RRAGB: variants seen among roughly 807,000 people sequenced by gnomAD.
RRAGB encodes the protein Ras related GTP binding B.
Under a neutral mutation model 29.3 loss-of-function variants are expected in RRAGB, and 6 were observed. The ratio of observed to expected loss-of-function variants is 0.21; its 90% CI spans 0.11 to 0.40. The LOEUF (loss-of-function observed/expected upper bound fraction) is 0.40, where lower values mean the gene tolerates loss of function less well. RRAGB is among the 10% of genes least tolerant of loss of function. The pLI, the probability that RRAGB is intolerant of heterozygous loss-of-function variation, is 1.00. For missense variants in RRAGB, 184 were observed against 272.9 expected, an observed-to-expected ratio of 0.67 and a Z score of 2.29; for synonymous variants, 101 against 92.5, an observed-to-expected ratio of 1.09 and a Z score of -0.53.
intron 5 of RRAGB, among the ~76,000 whole-genome samples, chrX:55,745,455 T>A (rs1482663308): frequency 8.9e-6 from 1 of 112,512 alleles, no homozygotes; most frequent in Admixed American, 9.3e-5. Context: ...GATATGTTAA[T>A]TTGCTCAAGC....
At chrX:55,756,765 G>T (rs974180742) in intron 8 of RRAGB, among the ~76,000 whole-genome samples, 2 of 111,608 alleles carry the variant, frequency 1.8e-5, no homozygotes, top group African/African-American at 6.5e-5. Flanking sequence ...ATGGATCTAG[G>T]TCTAAGCCAA....
intron 3 of RRAGB, among the ~76,000 whole-genome samples, chrX:55,724,209 T>C (rs185620804): frequency 6.1e-4 from 68 of 112,266 alleles, no homozygotes; most frequent in Admixed American, 6.0e-3. Flanking sequence ...GTGCAGTTAA[T>C]ATTTTGAACC....
intron 1 of RRAGB, 34 bp downstream of exon 1, chrX:55,718,453 G>A: frequency 7.4e-6 from 7 of 952,308 alleles, no homozygotes; most frequent in Non-Finnish European, 1.0e-5. Context: ...CCTGGAAGTG[G>A]GGGTGTTCAA....
Position 55,722,261 on chromosome X carries a change from GAC to G in RRAGB, c.207_208del (p.Arg70SerfsTer7). On this transcript the variant is annotated frameshift_variant, in exon 3 of 10. Coordinates refer to ENST00000374941, the MANE Select transcript of RRAGB (RefSeq NM_006064.5). LOFTEE classifies it high-confidence loss of function. ...TATCTTTGCAAATTATATTGCCAGA[GAC>G]ACACGTCGCCTTGGCGCAACAAGTA... ...SIIFANYIAR[D>X]TRRLGATIDV... The G allele has an allele frequency of 8.4e-7, 1 of 1,189,106 alleles. No homozygotes were observed. Among genetic ancestry groups the G allele is most frequent in the Non-Finnish European group, 1.1e-6 (1 of 877,024 alleles).
At chrX:55,752,382 G>A in intron 6 of RRAGB, 2 of 752,687 alleles carry the variant, frequency 2.7e-6, no homozygotes, top group Non-Finnish European at 3.1e-6. Flanking sequence ...GCTGTGGTTA[G>A]CTTTGGTGCC....
At chrX:55,729,998 T>G (rs999584497) in intron 4 of RRAGB, among the ~76,000 whole-genome samples, 3 of 111,921 alleles carry the variant, frequency 2.7e-5, no homozygotes, top group Non-Finnish European at 5.6e-5. Flanking sequence ...TGTGTTATCT[T>G]GGGTAAATCA....
chrX:55,723,447 CT>C (rs75512271), intron 3 of RRAGB, among the ~76,000 whole-genome samples: 117 of 99,452 alleles, frequency 1.2e-3, no homozygotes, highest in African/African-American at 1.1e-3. Context: ...TGGCCTATTT[CT>C]TTTTTTTTTT....
intron 5 of RRAGB, among the ~76,000 whole-genome samples, chrX:55,739,508 A>G (rs747010609): frequency 1.9e-4 from 21 of 111,397 alleles, no homozygotes; most frequent in African/African-American, 5.9e-4. Context: ...CACCAAATCA[A>G]CTGCAGTGCT....
At chrX:55,741,843 C>T (rs2034085986) in intron 5 of RRAGB, among the ~76,000 whole-genome samples, 2 of 112,193 alleles carry the variant, frequency 1.8e-5, no homozygotes, top group South Asian at 7.4e-4. Context: ...GACTAAATGT[C>T]AGGATACTGT....
At chrX:55,737,726 C>T (rs949598237) in intron 5 of RRAGB, among the ~76,000 whole-genome samples, 6 of 112,721 alleles carry the variant, frequency 5.3e-5, no homozygotes, top group Admixed American at 3.7e-4. Context: ...AATCCTGCTG[C>T]GCATCTGGTC....
At chrX:55,736,017 C>T (rs969174718) in intron 5 of RRAGB, among the ~76,000 whole-genome samples, 3 of 112,299 alleles carry the variant, frequency 2.7e-5, no homozygotes, top group East Asian at 5.6e-4. Context: ...TTATCCAATG[C>T]TTTTGTCTCA....
intron 3 of RRAGB, 123 bp from the exon 4 acceptor site, chrX:55,729,171 T>C (rs2033585935): frequency 2.1e-6 from 1 of 483,094 alleles, no homozygotes; most frequent in African/African-American, 2.3e-5. Flanking sequence ...ATCACCTTCT[T>C]GTTGTGGCTT....
intron 5 of RRAGB, among the ~76,000 whole-genome samples, chrX:55,738,722 G>C (rs1226460374): frequency 8.9e-6 from 1 of 112,060 alleles, no homozygotes; most frequent in Non-Finnish European, 1.9e-5. Context: ...GTAGGAGACA[G>C]CCAGTTGTGA....
intron 3 of RRAGB, 102 bp downstream of exon 3, chrX:55,722,387 A>T (rs1473761): frequency 3.9e-6 from 2 of 508,151 alleles, no homozygotes; most frequent in Non-Finnish European, 6.6e-6. Flanking sequence ...GAGGTTGGGG[A>T]ATTTGTTATG....
chrX:55,734,987 A>G (rs1315223882), intron 5 of RRAGB, among the ~76,000 whole-genome samples: 1 of 112,186 alleles, frequency 8.9e-6, no homozygotes, highest in African/African-American at 3.2e-5. Context: ...CTGATTTGAT[A>G]CTTGATATGA....
chrX:55,736,013 A>C (rs948086418), intron 5 of RRAGB, among the ~76,000 whole-genome samples: 1 of 112,292 alleles, frequency 8.9e-6, no homozygotes, highest in African/African-American at 3.2e-5. Context: ...TAAGTTATCC[A>C]ATGCTTTTGT....
chrX:55,725,365 A>G (rs1191624142), intron 3 of RRAGB, among the ~76,000 whole-genome samples: 1 of 111,966 alleles, frequency 8.9e-6, no homozygotes, highest in Non-Finnish European at 1.9e-5. Flanking sequence ...GCTTTAGGAT[A>G]TCATCATTAG....
chrX:55,749,157 C>T (rs1332312179), intron 5 of RRAGB, among the ~76,000 whole-genome samples: 7 of 97,376 alleles, frequency 7.2e-5, no homozygotes, highest in African/African-American at 1.9e-4. Flanking sequence ...TCCCTCTGCC[C>T]GGCCAGCCGC....
chrX:55,729,143 C>T, intron 3 of RRAGB, 151 bp from the exon 4 acceptor site: 1 of 428,471 alleles, frequency 2.3e-6, no homozygotes, highest in Non-Finnish European at 4.1e-6. Context: ...GCCACTAAAC[C>T]ACACTACTCA....
Sources: allele counts gnomAD v4.1 joint callset (sites outside exome capture counted in the v4.1 genomes callset), GRCh38; gene constraint gnomAD v4.1.1; transcripts MANE v1.5; gene names NCBI Gene and HGNC (gene_info 2026-07-23, HGNC 2026-07-21).